Variants in RFTN2 observed in about 807,000 individuals in gnomAD.
RFTN2 encodes the protein raftlin family member 2.
In RFTN2, 34 loss-of-function variants were observed where a neutral mutation model predicts 52.7. The ratio of observed to expected loss-of-function variants is 0.64; its 90% CI spans 0.49 to 0.86. The LOEUF is 0.86. Among genes scored for constraint, RFTN2 ranks in the 40% least tolerant of loss-of-function variants. RFTN2 has a pLI of 0.00. For synonymous variants in RFTN2, 203 were observed against 217.7 expected, an observed-to-expected ratio of 0.93 and a Z score of 0.59; for missense variants, 536 against 600.1, an observed-to-expected ratio of 0.89 and a Z score of 1.12.
intron 7 of RFTN2, among the ~76,000 whole-genome samples, chr2:197,605,426 A>G (rs193096190): frequency 0.01 from 1,585 of 152,188 alleles, 11 homozygotes; most frequent in Non-Finnish European, 0.016. Flanking sequence ...TGTGTTAGCC[A>G]GGATGATCTC....
chr2:197,670,051 G>A (rs897804043), intron 1 of RFTN2, among the ~76,000 whole-genome samples: 2 of 152,164 alleles, frequency 1.3e-5, no homozygotes, highest in African/African-American at 4.8e-5. Context: ...TATTATGCTT[G>A]TGGAATTCAT....
intron 3 of RFTN2, among the ~76,000 whole-genome samples, chr2:197,637,310 G>T (rs1243747324): frequency 6.6e-6 from 1 of 152,154 alleles, no homozygotes; most frequent in African/African-American, 2.4e-5. Flanking sequence ...GTTTCAGAAG[G>T]AATGGTACCA....
At position 197,646,574 on chromosome 2, in the gene RFTN2, C is replaced by T. The variant is rs1232176946; in HGVS notation, c.232G>A (p.Ala78Thr). 6.2e-7 allele frequency: 1 copy of T among 1,612,470 alleles called. No homozygotes were observed. The highest frequency in any genetic ancestry group is 8.5e-7 in the Non-Finnish European group (1 of 1,178,492). ...NYYLKGYIVG[A>T]IHPVIQPVGQ... is the part of the protein sequence containing the mutation. ...ACAGGTTGTATAACAGGATGAATAG[C>T]CCCGACAATATATCCTTTAAGATAA... is the stretch of plus-strand genomic sequence containing the variant. Residue 78 changes from alanine (A) to threonine (T), a missense_variant, in exon 2 of 9, where the codon GCT (alanine) becomes ACT (threonine). Coordinates refer to ENST00000295049, the MANE Select transcript of RFTN2 (RefSeq NM_144629.3).
Position 197,571,979 on chromosome 2 carries a change from C to T in RFTN2, c.*29G>A. ...TGGCAATGATTTTAACAATTATTTACAGGGCCTTCCTTTGCTTCACCTCAT... is the reference window on the plus strand; with the variant it reads ...TGGCAATGATTTTAACAATTATTTATAGGGCCTTCCTTTGCTTCACCTCAT... On this transcript the variant is annotated 3_prime_UTR_variant, in exon 9 of 9. Coordinates refer to ENST00000295049, the MANE Select transcript of RFTN2 (RefSeq NM_144629.3). 1.3e-6 allele frequency: 2 copies of T among 1,598,962 alleles called. No homozygotes were observed. Among genetic ancestry groups the T allele is most frequent in the East Asian group, 2.2e-5 (1 of 44,588 alleles).
Position 197,572,175 on chromosome 2 carries a change from G to A in RFTN2, c.1339C>T (p.Pro447Ser), listed in dbSNP as rs768082111. ...SSQPAESRHL[P>S]EECRLSPSRE... is the part of the protein sequence containing the mutation. ...GAGGGAGAAAGGCGGCACTCCTCAG[G>A]CAGGTGTCTGCTCTCTGCAGGTTGT... The change falls in exon 9 of 9, where the codon CCT (proline) becomes TCT (serine). Residue 447 changes from proline to serine, a missense_variant. Physicochemically the swap from Pro to Ser is moderately conservative, Grantham distance 74 (BLOSUM62 -1). Coordinates refer to ENST00000295049, the MANE Select transcript of RFTN2 (RefSeq NM_144629.3). 4 of 1,614,230 alleles carry A rather than the reference G, an allele frequency of 2.5e-6. No homozygotes were observed. In the Admixed American group the frequency reaches 5.0e-5, roughly 20 times the overall value.
chr2:197,619,505 G>A (rs904678003), intron 5 of RFTN2, among the ~76,000 whole-genome samples: 6 of 150,614 alleles, frequency 4.0e-5, no homozygotes, highest in African/African-American at 1.2e-4. Flanking sequence ...GATTAAGGGC[G>A]GTGCAAGATG....
chr2:197,667,175 G>A (rs1333828443), intron 1 of RFTN2, among the ~76,000 whole-genome samples: 2 of 151,842 alleles, frequency 1.3e-5, no homozygotes, highest in African/African-American at 2.4e-5. Context: ...CAGCAGAGAC[G>A]AGGTTTCACC....
In RFTN2 at chr2:197,572,410, C is replaced by T. The variant is rs2087334190; in HGVS notation, c.1234-130G>A. The T allele has an allele frequency of 6.1e-6, 5 of 823,434 alleles. 1 individual carries two copies. In the South Asian group the frequency reaches 8.3e-5, roughly 14 times the overall value. The allele number at this position is 823,434 out of a possible 1,614,324, so 51.0% of individuals were successfully genotyped here. On this transcript the variant is annotated intron_variant, in intron 8 of 8. Coordinates refer to ENST00000295049, the MANE Select transcript of RFTN2 (RefSeq NM_144629.3). ...CCCAGCTCTTCAAAATCCTGCTCAT[C>T]TTCAACGACCAGCTCAGAGCTACCT...
chr2:197,586,799 G>C (rs758388690), intron 8 of RFTN2, among the ~76,000 whole-genome samples: 2 of 152,142 alleles, frequency 1.3e-5, no homozygotes, highest in Non-Finnish European at 2.9e-5. Flanking sequence ...TCTAGCTGAG[G>C]TTGTCCTCCA....
At chr2:197,665,522 T>TTTTTTTTTTTTTTTTTTA in intron 1 of RFTN2, among the ~76,000 whole-genome samples, 1 of 139,948 alleles carries the variant, frequency 7.1e-6, no homozygotes, top group South Asian at 2.4e-4. Flanking sequence ...CTTGCCTTTT[T>TTTTTTTTTTTTTTTTTTA]TTTTTTTTTT....
At chr2:197,575,759 T>A (rs991356191) in intron 8 of RFTN2, among the ~76,000 whole-genome samples, 1 of 143,570 alleles carries the variant, frequency 7.0e-6, no homozygotes, top group East Asian at 2.0e-4. Context: ...ATATATTTTT[T>A]ATATATATAA....
intron 6 of RFTN2, among the ~76,000 whole-genome samples, chr2:197,616,275 T>TTTA (rs1553601957): frequency 4.9e-5 from 3 of 61,502 alleles, no homozygotes; most frequent in African/African-American, 1.5e-4. Flanking sequence ...CTGCATTTTA[T>TTTA]TTTATTTTAT....
At chr2:197,658,632 G>A (rs537992013) in intron 1 of RFTN2, among the ~76,000 whole-genome samples, 1 of 152,214 alleles carries the variant, frequency 6.6e-6, no homozygotes, top group Non-Finnish European at 1.5e-5. Flanking sequence ...GGTAATGGTA[G>A]TTTGGCTAGA....
chr2:197,674,170 G>T (rs2089183237), intron 1 of RFTN2, among the ~76,000 whole-genome samples: 1 of 150,618 alleles, frequency 6.6e-6, no homozygotes, highest in Non-Finnish European at 1.5e-5. Flanking sequence ...TTTTCTTTTG[G>T]TAGCCTTAGC....
intron 1 of RFTN2, among the ~76,000 whole-genome samples, chr2:197,672,791 A>G (rs2089164772): frequency 6.6e-6 from 1 of 152,182 alleles, no homozygotes; most frequent in Non-Finnish European, 1.5e-5. Flanking sequence ...AGTCTATGCT[A>G]TGATTTCTCC....
chr2:197,664,825 A>G (rs573594201), intron 1 of RFTN2, among the ~76,000 whole-genome samples: 2 of 152,304 alleles, frequency 1.3e-5, no homozygotes, highest in East Asian at 3.9e-4. Flanking sequence ...GGCCTAACAT[A>G]TGATTTATTC....
Position 197,572,289 on chromosome 2 carries a change from C to G in RFTN2, c.1234-9G>C, listed in dbSNP as rs2087331839. The G allele has an allele frequency of 9.3e-6, 15 of 1,613,132 alleles. No homozygotes were observed. Among genetic ancestry groups the G allele is most frequent in the Non-Finnish European group, 1.1e-5 (13 of 1,179,074 alleles). On this transcript the variant is annotated splice_polypyrimidine_tract_variant and intron_variant, in intron 8 of 8. Coordinates refer to ENST00000295049, the MANE Select transcript of RFTN2 (RefSeq NM_144629.3). ...TGGCGGCTGGCTTTCTTCTGAAACA[C>G]AAGACATTGGTGACCAGGAGAGTTA...
chr2:197,642,323 A>G (rs545461501), intron 3 of RFTN2, among the ~76,000 whole-genome samples: 141 of 152,360 alleles, frequency 9.3e-4, no homozygotes, highest in Middle Eastern at 3.4e-3. Flanking sequence ...GTAAAACCTT[A>G]TAAATATGTC....
In RFTN2 at chr2:197,571,742, G is replaced by GATT; in HGVS notation, c.*263_*265dup. ...TGTACATTCATGAGAAGCTGAAATAGATTATTGTGTAATAACCGAATGGAA... is the reference window on the plus strand; with the variant it reads ...TGTACATTCATGAGAAGCTGAAATAGATTATTATTGTGTAATAACCGAATGGAA... On this transcript the variant is annotated 3_prime_UTR_variant, in exon 9 of 9. Coordinates refer to ENST00000295049, the MANE Select transcript of RFTN2 (RefSeq NM_144629.3). 1 of 454,738 alleles carries GATT rather than the reference G, an allele frequency of 2.2e-6. No homozygotes were observed. The highest frequency in any genetic ancestry group is 6.0e-4 in the Middle Eastern group (1 of 1,658). The allele number at this position is 454,738 out of a possible 1,614,324, so 28.2% of individuals were successfully genotyped here. A position where few individuals can be genotyped will look rare whatever the true frequency, so the allele number is the denominator to read the frequency against.
Sources: allele counts gnomAD v4.1 joint callset (sites outside exome capture counted in the v4.1 genomes callset), GRCh38; gene constraint gnomAD v4.1.1; transcripts MANE v1.5; gene names NCBI Gene and HGNC (gene_info 2026-07-23, HGNC 2026-07-21).